SPON1: variants seen among roughly 807,000 people sequenced by gnomAD.
SPON1 encodes the protein spondin-1.
SPON1 carries 52 observed loss-of-function variants against 111.7 expected under a neutral mutation model. That is an observed-to-expected ratio of 0.47 (90% CI 0.37 to 0.59). The LOEUF (loss-of-function observed/expected upper bound fraction) is 0.59, where lower values mean the gene tolerates loss of function less well. Ranked by LOEUF, SPON1 falls within the 20% of genes least tolerant of loss-of-function variation. The pLI is 0.00. For missense variants in SPON1, 957 were observed against 1,068.5 expected (o/e 0.90, Z 1.46); for synonymous variants, 410 against 395.8 (o/e 1.04, Z -0.43).
chr11:14,151,558 C>T (rs1847788197), intron 6 of SPON1, among the ~76,000 whole-genome samples: 1 of 152,136 alleles, frequency 6.6e-6, no homozygotes, highest in Non-Finnish European at 1.5e-5. Flanking sequence ...CAGACCCCAG[C>T]ACAGAGATGA....
chr11:14,171,686 G>A (rs1848102847), intron 6 of SPON1, among the ~76,000 whole-genome samples: 2 of 151,938 alleles, frequency 1.3e-5, no homozygotes, highest in Admixed American at 6.6e-5. Context: ...ATTCTGGTAT[G>A]TTGTGTCTTT....
chr11:14,140,701 GT>G (rs1177425357), intron 6 of SPON1, among the ~76,000 whole-genome samples: 2 of 151,936 alleles, frequency 1.3e-5, no homozygotes, highest in Non-Finnish European at 2.9e-5. Context: ...GGCCTCAGTA[GT>G]TTTTTTTCTT....
chr11:14,257,803 G>A lies in SPON1; in HGVS notation c.1397G>A (p.Arg466Gln), dbSNP rs868975738. Reference protein sequence around the residue: ...SSTCDKGKRMRQRMLKAQLDL... With the variant: ...SSTCDKGKRMQQRMLKAQLDL... The stretch of plus-strand genomic sequence containing the variant: ...ACCTGTGACAAAGGCAAGAGGATGC[G>A]ACAGCGCATGCTGAAAGCACAGCTG... Residue 466 changes from arginine to glutamine, a missense_variant, in exon 11 of 16, where the codon CGA becomes CAA. This residue lies in a region of SPON1 where 549 missense variants were observed against 606.2 expected (regional missense o/e 0.91). Coordinates refer to ENST00000576479, the MANE Select transcript of SPON1 (RefSeq NM_006108.4). 12 of 1,610,834 alleles carry A rather than the reference G, an allele frequency of 7.4e-6. No homozygotes were observed. The highest frequency in any genetic ancestry group is 5.9e-6 in the Non-Finnish European group (7 of 1,178,622).
chr11:14,023,259 G>A (rs1418383384), intron 2 of SPON1, among the ~76,000 whole-genome samples: 3 of 152,180 alleles, frequency 2.0e-5, no homozygotes, highest in Admixed American at 6.5e-5. Flanking sequence ...TTAAATGTGC[G>A]CTCTGGCTTC....
At chr11:14,255,563 TTGCTC>T in intron 8 of SPON1, 79 bp from the exon 9 acceptor site, 1 of 1,298,654 alleles carries the variant, frequency 7.7e-7, no homozygotes, top group South Asian at 1.3e-5. Flanking sequence ...ATCAAGGACT[TTGCTC>T]TGATCCATAT....
chr11:14,008,107 C>CA (rs1270176854), intron 2 of SPON1, among the ~76,000 whole-genome samples: 2 of 151,756 alleles, frequency 1.3e-5, no homozygotes, highest in Non-Finnish European at 2.9e-5. Context: ...CTGATTCAGC[C>CA]AAAAATATTG....
Position 14,161,037 on chromosome 11 carries a change from ATCTATATATT to A in SPON1, c.825+25471_825+25480del, listed in dbSNP as rs1424811101. Among the ~76,000 whole-genome samples the A allele has an allele frequency of 1.8e-3, 144 of 79,414 alleles. 13 individuals are homozygous for A. The highest frequency in any genetic ancestry group is 7.5e-3 in the African/African-American group (142 of 18,834). 52.1% of individuals were successfully genotyped at this position (79,414 alleles called of 152,430 possible). A position where few individuals can be genotyped will look rare whatever the true frequency, so the allele number is the denominator to read the frequency against. On this transcript the variant is annotated intron_variant, in intron 6 of 15. Coordinates refer to ENST00000576479, the MANE Select transcript of SPON1 (RefSeq NM_006108.4). Reference sequence around the variant, plus strand: ...TATATATCTATATATATTTATATATATCTATATATTTATATATATTTATATATATCTATAA... The same window carrying A: ...TATATATCTATATATATTTATATATATATATATATTTATATATATCTATAA...
intron 6 of SPON1, among the ~76,000 whole-genome samples, chr11:14,189,392 A>C (rs1230259413): frequency 2.0e-5 from 3 of 152,150 alleles, no homozygotes; most frequent in African/African-American, 7.2e-5. Context: ...TATACCAACA[A>C]TTCTCTTTTT....
chr11:13,988,396 T>C (rs545783475), intron 2 of SPON1, among the ~76,000 whole-genome samples: 2 of 152,360 alleles, frequency 1.3e-5, no homozygotes, highest in African/African-American at 4.8e-5. Flanking sequence ...TTTTTGCACA[T>C]TGATTTTGTA....
intron 3 of SPON1, among the ~76,000 whole-genome samples, chr11:14,070,936 A>G (rs1451719969): frequency 1.3e-5 from 2 of 152,186 alleles, no homozygotes; most frequent in African/African-American, 2.4e-5. Context: ...TAGAACCTCA[A>G]TATTCTAAAG....
chr11:14,257,303 T>C (rs1849119918), intron 10 of SPON1, among the ~76,000 whole-genome samples: 1 of 152,202 alleles, frequency 6.6e-6, no homozygotes, highest in South Asian at 2.1e-4. Context: ...GAGTACTCAA[T>C]GAATAGCAGC....
At chr11:14,251,039 A>G (rs1849047935) in intron 7 of SPON1, among the ~76,000 whole-genome samples, 1 of 152,212 alleles carries the variant, frequency 6.6e-6, no homozygotes, top group Non-Finnish European at 1.5e-5. Flanking sequence ...GGAAAGGCAG[A>G]TATTAACAAA....
At chr11:14,108,081 G>A (rs10741633) in intron 5 of SPON1, among the ~76,000 whole-genome samples, 62,734 of 151,906 alleles carry the variant, frequency 0.41, 13,059 homozygotes, top group Admixed American at 0.47. Flanking sequence ...GCACCTTGCA[G>A]AAGACACTGA....
chr11:14,005,602 T>C (rs1554913007), intron 2 of SPON1, among the ~76,000 whole-genome samples: 1 of 152,212 alleles, frequency 6.6e-6, no homozygotes, highest in Non-Finnish European at 1.5e-5. Flanking sequence ...TAAGCCCCTG[T>C]TCTACTCTTG....
At chr11:13,972,237 G>A (rs1321615896) in intron 1 of SPON1, among the ~76,000 whole-genome samples, 1 of 152,160 alleles carries the variant, frequency 6.6e-6, no homozygotes, top group African/African-American at 2.4e-5. Context: ...CAGGTCTTGT[G>A]TTTGCTATTT....
At chr11:14,150,987 G>A (rs75845698) in intron 6 of SPON1, among the ~76,000 whole-genome samples, 4 of 152,196 alleles carry the variant, frequency 2.6e-5, no homozygotes, top group African/African-American at 9.6e-5. Flanking sequence ...TCTGAGGATG[G>A]ACTCATTAAC....
At chr11:14,150,856 G>A (rs1450096076) in intron 6 of SPON1, among the ~76,000 whole-genome samples, 1 of 152,208 alleles carries the variant, frequency 6.6e-6, no homozygotes, top group East Asian at 1.9e-4. Context: ...GGTATCAGGA[G>A]CAACACTGAA....
At chr11:14,021,269 G>A (rs1848479709) in intron 2 of SPON1, among the ~76,000 whole-genome samples, 1 of 152,018 alleles carries the variant, frequency 6.6e-6, no homozygotes, top group South Asian at 2.1e-4. Flanking sequence ...ATTACAAGCA[G>A]ATGATAAATA....
intron 3 of SPON1, among the ~76,000 whole-genome samples, chr11:14,074,050 T>A (rs1848897817): frequency 6.6e-6 from 1 of 152,176 alleles, no homozygotes; most frequent in African/African-American, 2.4e-5. Flanking sequence ...GATGGGATGA[T>A]CTGACTAACA....
Sources: allele counts gnomAD v4.1 joint callset (sites outside exome capture counted in the v4.1 genomes callset), GRCh38; gene constraint gnomAD v4.1.1; regional missense constraint gnomAD v4.1.1; transcripts MANE v1.5; gene names NCBI Gene and HGNC (gene_info 2026-07-23, HGNC 2026-07-21).